Variants in ACTR8 observed in about 807,000 individuals in gnomAD.
ACTR8 encodes the protein actin-related protein 8.
Under a neutral mutation model 84.3 loss-of-function variants are expected in ACTR8, and 70 were observed. That is an observed-to-expected ratio of 0.83 (90% CI 0.68 to 1.01). The LOEUF (loss-of-function observed/expected upper bound fraction) is 1.01. Among genes scored for constraint, ACTR8 ranks in the 50% least tolerant of loss-of-function variants. The probability of loss-of-function intolerance (pLI) is 0.00; values close to 1 mark genes in which losing one functional copy is unlikely to be tolerated. For missense variants in ACTR8, 672 were observed against 775.4 expected (o/e 0.87, Z 1.58); for synonymous variants, 268 against 275.2 (o/e 0.97, Z 0.26).
At position 53,882,110 on chromosome 3, in the gene ACTR8, G is replaced by C. The variant is rs1461512961; in HGVS notation, c.-9C>G. ...TTCTCAGCCTGGGTCATTATGGCCG[G>C]AGACACCCACCAACCTCTCGCCTCA... On this transcript the variant is annotated 5_prime_UTR_variant, in exon 1 of 13. Transcript: ENST00000335754. The C allele has an allele frequency of 1.3e-6, 2 of 1,551,362 alleles. No homozygotes were observed. The highest frequency in any genetic ancestry group is 1.4e-5 in the African/African-American group (1 of 73,158).
chr3:53,866,446 A>C (rs1235062498), downstream of ACTR8, among the ~76,000 whole-genome samples: 1 of 152,038 alleles, frequency 6.6e-6, no homozygotes, highest in Non-Finnish European at 1.5e-5. Flanking sequence ...TTGTCTTCCA[A>C]CTTTTTACTC....
intron 1 of ACTR8, among the ~76,000 whole-genome samples, chr3:53,880,427 G>A (rs1253384438): frequency 6.6e-6 from 1 of 152,112 alleles, no homozygotes; most frequent in African/African-American, 2.4e-5. Flanking sequence ...TATAGAATCC[G>A]GGCCCAGGCT....
rs368144566 is a variant in ACTR8, at chr3:53,881,995, G to A, written c.107C>T (p.Pro36Leu). ...VKRPIVPALV[P>L]ESLQEQIQSN... ...GAGCCGCACCTCTTGCAGCGACTCC[G>A]GCACCAGCGCGGGCACGATGGGCCG... Residue 36 changes from proline (P) to leucine (L), a missense_variant, in exon 1 of 13, where the codon CCG (proline) becomes CTG (leucine). Physicochemically the swap from Pro to Leu is moderately conservative, Grantham distance 98. Transcript: ENST00000335754. The A allele has an allele frequency of 6.1e-5, 94 of 1,553,336 alleles. No homozygotes were observed. The highest frequency in any genetic ancestry group is 7.8e-5 in the Non-Finnish European group (90 of 1,147,728).
At position 53,868,866 on chromosome 3, in the gene ACTR8, C is replaced by CA. The variant is rs1346028284; in HGVS notation, c.1732-5dup. On this transcript the variant is annotated splice_region_variant and splice_polypyrimidine_tract_variant and intron_variant, in intron 12 of 12. Transcript: ENST00000335754. ...CAATCAGCCGGGGGTCCATGTCCTA[C>CA]AGAAGGGATGAAGGCATTTCAGCCT... 1.2e-6 allele frequency: 2 copies of CA among 1,613,464 alleles called. No homozygotes were observed. Among genetic ancestry groups the CA allele is most frequent in the Admixed American group, 3.3e-5 (2 of 59,882 alleles).
intron 1 of ACTR8, 113 bp downstream of exon 1, chr3:53,881,866 C>G: frequency 6.7e-7 from 1 of 1,501,942 alleles, no homozygotes; most frequent in South Asian, 1.2e-5. Flanking sequence ...CTCCCCCCAC[C>G]AGGGGCTGGG....
chr3:53,860,324 C>A, the ACTR8 span: 9 of 961,056 alleles, frequency 9.4e-6, no homozygotes, highest in Middle Eastern at 3.3e-4. Context: ...CACATGTTGG[C>A]GTTTCCCAGA....
At chr3:53,877,508 G>C in intron 4 of ACTR8, 121 bp from the exon 5 acceptor site, 1 of 1,306,974 alleles carries the variant, frequency 7.7e-7, no homozygotes, top group Non-Finnish European at 1.0e-6. Flanking sequence ...AGTGAAGTAG[G>C]AGTCGGTGTG....
chr3:53,859,927 T>C, the ACTR8 span: 3 of 459,794 alleles, frequency 6.5e-6, no homozygotes, highest in Non-Finnish European at 1.2e-5. Flanking sequence ...GCAGCATTGC[T>C]TGAACCCGGG....
At chr3:53,872,649 G>T in intron 9 of ACTR8, 125 bp from the exon 10 acceptor site, 2 of 1,197,644 alleles carry the variant, frequency 1.7e-6, no homozygotes, top group Non-Finnish European at 2.3e-6. Context: ...ACTGGGCAAT[G>T]TTCTCTTTCG....
Position 53,873,014 on chromosome 3 carries a change from C to T in ACTR8, c.1161+18G>A, listed in dbSNP as rs929074821. 2 of 1,577,730 alleles carry T rather than the reference C, an allele frequency of 1.3e-6. No homozygotes were observed. The highest frequency in any genetic ancestry group is 2.3e-5 in the East Asian group (1 of 44,394). On this transcript the variant is annotated intron_variant, in intron 9 of 12. Coordinates refer to ENST00000335754, the MANE Select transcript of ACTR8 (RefSeq NM_022899.5). ...ATAACTTTCTTTCTACCCATGGAAA[C>T]AGATACCTATAAGTTACCTGCAGTT...
At chr3:53,876,811 G>A in intron 5 of ACTR8, 98 bp from the exon 6 acceptor site, 1 of 615,036 alleles carries the variant, frequency 1.6e-6, no homozygotes. Flanking sequence ...AGGAGTAGCA[G>A]CTACGGTTAC....
chr3:53,865,264 G>A (rs1031211953), downstream of ACTR8: 1 of 1,611,004 alleles, frequency 6.2e-7, no homozygotes, highest in Admixed American at 1.7e-5. Context: ...GGTGTCAGCA[G>A]GAAAAAGATC....
intron 4 of ACTR8, 95 bp from the exon 5 acceptor site, chr3:53,877,482 T>C: frequency 1.4e-6 from 2 of 1,389,852 alleles, no homozygotes; most frequent in Middle Eastern, 2.1e-4. Flanking sequence ...GTTTGCTGAA[T>C]GTGAGAAATG....
rs1167441559 is a variant in ACTR8, at chr3:53,870,292, C to G, written c.1568-147G>C. The G allele has an allele frequency of 1.1e-6, 1 of 885,188 alleles. No individual in the cohort carries two copies. The highest frequency in any genetic ancestry group is 1.7e-6 in the Non-Finnish European group (1 of 579,232). The allele number at this position is 885,188 out of a possible 1,614,324, so 54.8% of individuals were successfully genotyped here. A position where few individuals can be genotyped will look rare whatever the true frequency, so the allele number is the denominator to read the frequency against. On this transcript the variant is annotated intron_variant, in intron 11 of 12. Coordinates refer to ENST00000335754, the MANE Select transcript of ACTR8 (RefSeq NM_022899.5). This position sits in a 1 kb window ranked among gnomAD's most constrained non-coding sequence, Gnocchi z 4.1. ...CCCTCCACACTGCAGCCAGGGGAAC[C>G]CTACGAAACACAAATGTAGGCATGT...
chr3:53,860,475 C>T, the ACTR8 span: 1 of 347,814 alleles, frequency 2.9e-6, no homozygotes. Flanking sequence ...ACCATTGAGC[C>T]TTCTACCAGT....
At chr3:53,873,259 C>G (rs1699915627) in intron 8 of ACTR8, 132 bp from the exon 9 acceptor site, 1 of 518,856 alleles carries the variant, frequency 1.9e-6, no homozygotes, top group East Asian at 3.0e-5. Flanking sequence ...ACCACTCACA[C>G]TATAATTTAG....
At position 53,878,367 on chromosome 3, in the gene ACTR8, G is replaced by T. The variant is rs1240200954; in HGVS notation, c.395C>A (p.Ser132Tyr). ...MSNGTRRIPVSPEQARSYNKQ... is the reference protein window; with the variant it reads ...MSNGTRRIPVYPEQARSYNKQ... Reference sequence around the variant, plus strand: ...AAGAGTTAATCGAACCTGTTCAGGGGACACAGGAATGCGTCTTGTACCATT... The same window carrying T: ...AAGAGTTAATCGAACCTGTTCAGGGTACACAGGAATGCGTCTTGTACCATT... The change falls in exon 3 of 13, where the codon TCC becomes TAC. Residue 132 changes from serine (S) to tyrosine (Y), a missense_variant. Ser to Tyr is a moderately radical substitution (Grantham distance 144). Coordinates refer to ENST00000335754, the MANE Select transcript of ACTR8 (RefSeq NM_022899.5). The T allele has an allele frequency of 6.2e-7, 1 of 1,608,686 alleles. No individual in the cohort carries two copies. Among genetic ancestry groups the T allele is most frequent in the East Asian group, 2.2e-5 (1 of 44,838 alleles).
At chr3:53,873,190 T>G (rs1177132220) in intron 8 of ACTR8, 63 bp from the exon 9 acceptor site, 1 of 1,305,432 alleles carries the variant, frequency 7.7e-7, no homozygotes, top group Non-Finnish European at 1.1e-6. Flanking sequence ...CTTCAAATTA[T>G]GCTTCAGCCT....
rs201378833 is a variant in ACTR8 at position 53,877,758 on chromosome 3, A to C, written c.406-7T>G. The C allele has an allele frequency of 3.3e-3, 5,262 of 1,611,958 alleles. 47 individuals carry two copies. Among genetic ancestry groups the C allele is most frequent in the South Asian group, 0.018 (1,591 of 90,858 alleles). ...GCTTATTGTAGGAGCGTGCCTGAAAAGAAAAACCATCAGAAAATTATCTCA... is the reference window on the plus strand; with the variant it reads ...GCTTATTGTAGGAGCGTGCCTGAAACGAAAAACCATCAGAAAATTATCTCA... On this transcript the variant is annotated splice_polypyrimidine_tract_variant and splice_region_variant and intron_variant, in intron 3 of 12. Coordinates refer to ENST00000335754, the MANE Select transcript of ACTR8 (RefSeq NM_022899.5).
Sources: gnomAD v4.1 joint callset for allele counts (sites outside exome capture counted in the v4.1 genomes callset) on GRCh38, gnomAD v4.1.1 for gene constraint, Gnocchi (gnomAD v3.1) non-coding constraint, MANE v1.5 for transcripts, NCBI Gene and HGNC (gene_info 2026-07-23, HGNC 2026-07-21) for gene names.